The following EMC3 variants were observed in gnomAD, a reference collection of about 807,000 sequenced individuals.
EMC3 encodes the protein 30 kDa protein.
EMC3 carries 13 observed loss-of-function variants against 36.6 expected under a neutral mutation model. That is an observed-to-expected ratio of 0.35 (90% confidence interval 0.23 to 0.56). The LOEUF is 0.56. Among genes scored for constraint, EMC3 ranks in the 20% least tolerant of loss-of-function variants. The pLI, the probability that EMC3 is intolerant of heterozygous loss-of-function variation, is 0.84. For missense variants in EMC3, 220 were observed against 324.5 expected, an observed-to-expected ratio of 0.68 and a Z score of 2.47; for synonymous variants, 120 against 111.9, an observed-to-expected ratio of 1.07 and a Z score of -0.46.
intron 1 of EMC3, chr3:10,010,215 A>C (rs1188719890): frequency 6.6e-6 from 1 of 152,256 alleles, no homozygotes; most frequent in Admixed American, 6.5e-5. Context: ...GGCGGATCAC[A>C]AGGTCAGGAG....
At chr3:10,006,013 C>A (rs941691103) in intron 1 of EMC3, among the ~76,000 whole-genome samples, 1 of 152,194 alleles carries the variant, frequency 6.6e-6, no homozygotes, top group African/African-American at 2.4e-5. Context: ...GGCAGAAGAC[C>A]GCCATTCTTG....
chr3:9,986,995 C>G (rs2124921241), upstream of EMC3: 1 of 1,087,452 alleles, frequency 9.2e-7, no homozygotes, highest in South Asian at 2.7e-5. Flanking sequence ...GTGGGGGGAT[C>G]ACGAGGTCAG....
intron 1 of EMC3, among the ~76,000 whole-genome samples, chr3:10,008,091 A>G (rs2086283631): frequency 6.6e-6 from 1 of 152,174 alleles, no homozygotes; most frequent in Non-Finnish European, 1.5e-5. Flanking sequence ...TTGTACCCCC[A>G]GAAAGAGGGC....
At chr3:9,986,861 C>T, upstream of EMC3, 2 of 1,375,404 alleles carry the variant, frequency 1.5e-6, no homozygotes, top group Non-Finnish European at 1.9e-6. Flanking sequence ...ACGTTGACGT[C>T]ACGTCGTGGC....
chr3:9,988,610 G>A (rs2086007431), upstream of EMC3: 1 of 902,302 alleles, frequency 1.1e-6, no homozygotes, highest in African/African-American at 1.7e-5. Flanking sequence ...GTTGCCATAT[G>A]GACACATTGG....
At chr3:10,000,942 A>C (rs749700805) in intron 1 of EMC3, 1 of 385,866 alleles carries the variant, frequency 2.6e-6, no homozygotes, top group Non-Finnish European at 5.3e-6. Context: ...TCTCAACATC[A>C]CTTGTATTTA....
intron 1 of EMC3, among the ~76,000 whole-genome samples, chr3:9,999,870 A>G (rs17050701): frequency 0.23 from 34,226 of 152,056 alleles, 4,466 homozygotes; most frequent in African/African-American, 0.36. Flanking sequence ...ATTTTCCTTC[A>G]ATCCTAGCCT....
intron 5 of EMC3, among the ~76,000 whole-genome samples, chr3:9,972,724 C>T (rs866909325): frequency 1.3e-4 from 19 of 151,298 alleles, no homozygotes; most frequent in South Asian, 4.2e-4. Context: ...GATATCGCAC[C>T]GCTGCACTCC....
At chr3:9,967,726 T>C (rs1559348976) in intron 7 of EMC3, among the ~76,000 whole-genome samples, 1 of 152,230 alleles carries the variant, frequency 6.6e-6, no homozygotes, top group Non-Finnish European at 1.5e-5. Flanking sequence ...AAGCAGCTTG[T>C]CAATTTCTGC....
At chr3:9,980,992 C>G (rs1439323812) in intron 1 of EMC3, among the ~76,000 whole-genome samples, 1 of 152,032 alleles carries the variant, frequency 6.6e-6, no homozygotes, top group Non-Finnish European at 1.5e-5. Context: ...CCCTGGAGCC[C>G]TGGAGTTCAA....
chr3:9,987,910 T>C (rs571238090), upstream of EMC3: 3 of 1,003,932 alleles, frequency 3.0e-6, no homozygotes, highest in Admixed American at 1.7e-5. Context: ...CTGCAGGTAA[T>C]CTCTGAGCTT....
intron 5 of EMC3, 182 bp downstream of exon 5, chr3:9,973,446 G>A (rs764819090): frequency 1.2e-5 from 7 of 580,336 alleles, no homozygotes; most frequent in African/African-American, 3.8e-5. Context: ...TGCCCACCTC[G>A]GCCTCCCAAA....
upstream of EMC3, chr3:9,986,942 T>G: frequency 1.7e-6 from 2 of 1,210,290 alleles, no homozygotes; most frequent in Non-Finnish European, 2.1e-6. Context: ...TGGCCCAGGC[T>G]CGGTGGCTCA....
At position 9,994,057 on chromosome 3, in the gene EMC3, T is replaced by G. The variant is rs1488025750; in HGVS notation, c.-241-7155A>C. ...GGATTATTCTGTGTAAAACAAAGAT[T>G]AAGATTTCTTAAGTTAAAATGAGAG... On this transcript the variant is annotated intron_variant, in intron 1 of 8. Coordinates refer to the EMC3 transcript ENST00000470827. The G allele has an allele frequency of 8.4e-6, 10 of 1,196,772 alleles. No homozygotes were observed. In the Admixed American group the frequency reaches 1.4e-4, roughly 17 times the overall value. 74.1% of individuals were successfully genotyped at this position (1,196,772 alleles called of 1,614,324 possible).
rs1309586447 is a variant in EMC3 at position 10,008,757 on chromosome 3, T to C, written c.-242+2266A>G. On this transcript the variant is annotated intron_variant, in intron 1 of 8. Transcript: ENST00000470827. ...CTCTGCTTTGTCCCCATTCTCAGGT[T>C]CTGAAGTCATCCTGTTTTACACCTG... The C allele has an allele frequency of 1.4e-5, 4 of 284,968 alleles. No homozygotes were observed. The East Asian group carries it at 3.2e-4, about 23-fold the overall frequency. 17.7% of individuals were successfully genotyped at this position (284,968 alleles called of 1,614,324 possible).
At chr3:9,965,003 T>C (rs148314121) in intron 7 of EMC3, among the ~76,000 whole-genome samples, 1 of 151,856 alleles carries the variant, frequency 6.6e-6, no homozygotes. Flanking sequence ...CTCTGGAGGC[T>C]GAGGCTAAGG....
intron 1 of EMC3, among the ~76,000 whole-genome samples, chr3:9,980,750 T>A (rs1411206774): frequency 6.6e-6 from 1 of 152,092 alleles, no homozygotes; most frequent in East Asian, 1.9e-4. Flanking sequence ...ACCTGGCACA[T>A]CCTAAGCACT....
At chr3:10,003,301 C>A in intron 1 of EMC3, 1 of 434,778 alleles carries the variant, frequency 2.3e-6, no homozygotes, top group Non-Finnish European at 4.6e-6. Context: ...GTGACTGCCG[C>A]AGGGCTGCCA....
At chr3:9,988,071 C>T, upstream of EMC3, 2 of 605,180 alleles carry the variant, frequency 3.3e-6, no homozygotes, top group Non-Finnish European at 3.0e-6. Context: ...TCTCTGACAT[C>T]CCACAGTCAG....
Sources: allele counts gnomAD v4.1 joint callset (sites outside exome capture counted in the v4.1 genomes callset), GRCh38; gene constraint gnomAD v4.1.1; transcripts MANE v1.5; gene names NCBI Gene and HGNC (gene_info 2026-07-23, HGNC 2026-07-21).